Variants in DNAH9 observed in about 807,000 individuals in gnomAD.
DNAH9 encodes dynein axonemal heavy chain 9.
Under a neutral mutation model 471.6 loss-of-function variants are expected in DNAH9, and 345 were observed. That is an observed-to-expected ratio of 0.73 (90% CI 0.67 to 0.80). DNAH9 has a LOEUF of 0.80. DNAH9 is among the 30% of genes least tolerant of loss of function. The pLI is 0.00. For missense variants in DNAH9, 5,407 were observed against 5,609.2 expected (o/e 0.96, Z 1.15); for synonymous variants, 2,093 against 2,123.6 (o/e 0.99, Z 0.40).
chr17:11,694,448 G>T lies in DNAH9; in HGVS notation c.4872+1G>T. The T allele has an allele frequency of 6.2e-7, 1 of 1,613,126 alleles. No homozygotes were observed. Among genetic ancestry groups the T allele is most frequent in the Non-Finnish European group, 8.5e-7 (1 of 1,179,796 alleles). ...TTCCAACGGCACAGCTCCACAACAG[G>T]TAAGCTGGAGGAGCATCTGCAGAAA... On this transcript the variant is annotated splice_donor_variant, in intron 22 of 68. Coordinates refer to ENST00000262442, the MANE Select transcript of DNAH9 (RefSeq NM_001372.4). LOFTEE classifies it high-confidence loss of function.
intron 49 of DNAH9, among the ~76,000 whole-genome samples, chr17:11,844,302 T>G (rs1428480143): frequency 6.6e-6 from 1 of 152,190 alleles, no homozygotes; most frequent in Non-Finnish European, 1.5e-5. Context: ...TAATTTATTA[T>G]AATCTTGAAG....
chr17:11,940,309 C>G (rs187370280), intron 66 of DNAH9, among the ~76,000 whole-genome samples: 1 of 152,200 alleles, frequency 6.6e-6, no homozygotes. Flanking sequence ...GCCCCCACAC[C>G]CTTTACAGCC....
At chr17:11,715,511 G>T (rs1033930321) in intron 26 of DNAH9, among the ~76,000 whole-genome samples, 10 of 152,160 alleles carry the variant, frequency 6.6e-5, no homozygotes, top group African/African-American at 2.4e-4. Context: ...TTTAAAGGGG[G>T]AGCACCTGAC....
intron 26 of DNAH9, among the ~76,000 whole-genome samples, chr17:11,713,796 T>A (rs111525702): frequency 2.6e-5 from 4 of 152,226 alleles, no homozygotes; most frequent in African/African-American, 9.6e-5. Flanking sequence ...AGTTTTACTC[T>A]TGATTTTCTT....
chr17:11,942,559 G>T, intron 67 of DNAH9, 74 bp downstream of exon 67: 1 of 1,466,954 alleles, frequency 6.8e-7, no homozygotes, highest in Non-Finnish European at 9.1e-7. Flanking sequence ...GGAAGAAGGA[G>T]CACTGGGGGA....
intron 57 of DNAH9, among the ~76,000 whole-genome samples, chr17:11,890,118 CAAAG>C (rs944522048): frequency 3.7e-4 from 57 of 152,192 alleles, no homozygotes; most frequent in African/African-American, 1.3e-3. Flanking sequence ...ACTTAAATAA[CAAAG>C]AGATTCTTCA....
intron 59 of DNAH9, among the ~76,000 whole-genome samples, chr17:11,899,117 T>A (rs1973315797): frequency 6.6e-6 from 1 of 152,064 alleles, no homozygotes; most frequent in Non-Finnish European, 1.5e-5. Context: ...ATGCTCTTTT[T>A]AAGTGTTTGG....
At chr17:11,778,329 CAAAAAAAAAA>C (rs57983162) in intron 38 of DNAH9, among the ~76,000 whole-genome samples, 1,467 of 48,712 alleles carry the variant, frequency 0.03, 36 homozygotes, top group African/African-American at 0.068. Context: ...GACTCCATCT[CAAAAAAAAAA>C]AAAAAAAAAA....
Position 11,687,288 on chromosome 17 carries a change from G to A in DNAH9, c.3744-2278G>A, listed in dbSNP as rs111388820. Among the ~76,000 whole-genome samples, 230 of 152,270 alleles carry A rather than the reference G, an allele frequency of 1.5e-3. 4 individuals are homozygous for A. In the South Asian group the frequency reaches 0.017, roughly 12 times the overall value. On this transcript the variant is annotated intron_variant, in intron 19 of 68. Transcript: ENST00000262442. ...GCCAAAAACAATTTAGATTGAACAA[G>A]CAGGATTCAAACATAACGAGCGTCG...
At chr17:11,909,519 C>G (rs1471625507) in intron 61 of DNAH9, among the ~76,000 whole-genome samples, 1 of 152,150 alleles carries the variant, frequency 6.6e-6, no homozygotes, top group Non-Finnish European at 1.5e-5. Flanking sequence ...CTACGATTTC[C>G]CCTTGCTCCT....
At chr17:11,788,864 T>C (rs1968967319) in intron 41 of DNAH9, among the ~76,000 whole-genome samples, 1 of 152,142 alleles carries the variant, frequency 6.6e-6, no homozygotes, top group Non-Finnish European at 1.5e-5. Context: ...TATGATATTC[T>C]CTACTGGTTT....
intron 24 of DNAH9, 132 bp downstream of exon 24, chr17:11,701,379 C>T: frequency 1.0e-6 from 1 of 981,554 alleles, no homozygotes; most frequent in Non-Finnish European, 1.5e-6. Flanking sequence ...GAATCCCAGA[C>T]CACTGTGAGG....
At chr17:11,713,793 C>G (rs2074914432) in intron 26 of DNAH9, among the ~76,000 whole-genome samples, 1 of 152,088 alleles carries the variant, frequency 6.6e-6, no homozygotes, top group South Asian at 2.1e-4. Context: ...AAAAGTTTTA[C>G]TCTTGATTTT....
Position 11,701,217 on chromosome 17 carries a change from G to A in DNAH9, c.5121G>A (p.Arg1707=), listed in dbSNP as rs781132444. 2.5e-6 allele frequency: 4 copies of A among 1,613,874 alleles called. No homozygotes were observed. The highest frequency in any genetic ancestry group is 1.1e-5 in the South Asian group (1 of 91,052). Residue 1707 remains arginine, a synonymous_variant, in exon 24 of 69, where the codon AGG becomes AGA. Coordinates refer to ENST00000262442, the MANE Select transcript of DNAH9 (RefSeq NM_001372.4). Reference sequence around the variant, plus strand: ...TAACTGCCTATGAAGAAAAGCCGAGGGAGCAGTGGCTTTTTGACCACCCAG... The same window carrying A: ...TAACTGCCTATGAAGAAAAGCCGAGAGAGCAGTGGCTTTTTGACCACCCAG... ...EGVTAYEEKP[R]EQWLFDHPAQ...
Position 11,822,829 on chromosome 17 carries a change from T to C in DNAH9, c.9041T>C (p.Phe3014Ser). 1 of 1,614,238 alleles carries C rather than the reference T, an allele frequency of 6.2e-7. No individual in the cohort carries two copies. The highest frequency in any genetic ancestry group is 8.5e-7 in the Non-Finnish European group (1 of 1,180,050). Residue 3014 changes from phenylalanine (F) to serine (S), a missense_variant, in exon 48 of 69, where the codon TTC becomes TCC. Transcript: ENST00000262442. Reference sequence around the variant, plus strand: ...ACAGTAAAGCAGTCGATTAGCAAATTCATGGCCTTTGTCCACACAAGTGTC... The same window carrying C: ...ACAGTAAAGCAGTCGATTAGCAAATCCATGGCCTTTGTCCACACAAGTGTC... Reference protein sequence around the residue: ...EPTVKQSISKFMAFVHTSVNQ... With the variant: ...EPTVKQSISKSMAFVHTSVNQ...
At chr17:11,641,851 G>A (rs1375402600) in intron 10 of DNAH9, among the ~76,000 whole-genome samples, 2 of 152,254 alleles carry the variant, frequency 1.3e-5, no homozygotes, top group African/African-American at 2.4e-5. Context: ...GAAGGGAGGG[G>A]AAACAGATCG....
At chr17:11,931,971 GAGA>G (rs758708966) in intron 63 of DNAH9, 40 bp from the exon 64 acceptor site, 1 of 1,605,090 alleles carries the variant, frequency 6.2e-7, no homozygotes. Context: ...CCCCGTATAA[GAGA>G]AGTTGTGTGC....
intron 7 of DNAH9, among the ~76,000 whole-genome samples, chr17:11,632,330 G>A (rs2073085353): frequency 6.6e-6 from 1 of 152,162 alleles, no homozygotes; most frequent in Non-Finnish European, 1.5e-5. Context: ...GAACGGAGGA[G>A]CATGGAAAGG....
At chr17:11,762,767 T>G (rs113141953) in intron 35 of DNAH9, among the ~76,000 whole-genome samples, 1,404 of 77,516 alleles carry the variant, frequency 0.018, 38 homozygotes, top group African/African-American at 0.048. Flanking sequence ...CGTTTTTTTT[T>G]TTGTTTTTTT....
Sources: allele counts gnomAD v4.1 joint callset (sites outside exome capture counted in the v4.1 genomes callset), GRCh38; gene constraint gnomAD v4.1.1; transcripts MANE v1.5; gene names NCBI Gene and HGNC (gene_info 2026-07-23, HGNC 2026-07-21).